ANKRD30A: variants seen among roughly 807,000 people sequenced by gnomAD.
ANKRD30A encodes the protein ankyrin repeat domain 30A.
ANKRD30A carries 170 observed loss-of-function variants against 166.3 expected under a neutral mutation model. That is an observed-to-expected ratio of 1.02 (90% confidence interval 0.90 to 1.16). ANKRD30A has a LOEUF of 1.16. ANKRD30A is among the 50% of genes most tolerant of loss of function. ANKRD30A has a pLI of 0.00. For synonymous variants in ANKRD30A, 564 were observed against 508.9 expected (o/e 1.11, Z -1.46); for missense variants, 1,630 against 1,518.0 (o/e 1.07, Z -1.23).
At chr10:37,164,434 C>A (rs1169136619) in intron 17 of ANKRD30A, among the ~76,000 whole-genome samples, 1 of 151,622 alleles carries the variant, frequency 6.6e-6, no homozygotes, top group Admixed American at 6.6e-5. Context: ...CAAGGTGTCA[C>A]AAGCTGACTC....
chr10:37,177,950 G>A (rs569542759), intron 24 of ANKRD30A, among the ~76,000 whole-genome samples: 62 of 149,454 alleles, frequency 4.1e-4, no homozygotes, highest in Middle Eastern at 3.4e-3. Flanking sequence ...CTGAAGAGGA[G>A]CTGAATTACT....
chr10:37,142,320 T>G (rs2132534774), intron 7 of ANKRD30A, 30 bp downstream of exon 7: 1 of 1,542,144 alleles, frequency 6.5e-7, no homozygotes, highest in African/African-American at 1.4e-5. Flanking sequence ...TTTGTAAGGT[T>G]TATTGGCACT....
intron 25 of ANKRD30A, among the ~76,000 whole-genome samples, chr10:37,192,627 A>G (rs1028482213): frequency 6.6e-5 from 10 of 152,040 alleles, no homozygotes; most frequent in Non-Finnish European, 1.0e-4. Flanking sequence ...ACATGTATAT[A>G]TTGACATCAG....
rs762291547 is a variant in ANKRD30A, at chr10:37,142,144, A to G, written c.1247A>G (p.Lys416Arg). Residue 416 changes from lysine (K) to arginine (R), a missense_variant, in exon 7 of 36, where the codon AAG becomes AGG. By Grantham distance (26) the Lys-to-Arg change is conservative. Around this residue, in one of 4 missense-constraint regions of ANKRD30A, gnomAD observed 904 missense variants for 818.5 expected, o/e 1.10. Transcript: ENST00000361713. ...TGGGCAGCAAAAGGAAGACCTAGGA[A>G]GATCGCATGGGAGAAAAAAGAAACA... ...FTWAAKGRPR[K>R]IAWEKKETPV... is the part of the protein sequence containing the mutation. 25 of 1,614,018 alleles carry G rather than the reference A, an allele frequency of 1.5e-5. No individual in the cohort carries two copies. The Middle Eastern group carries it at 9.9e-4, about 64-fold the overall frequency.
chr10:37,161,325 A>G (rs550139727), intron 15 of ANKRD30A, among the ~76,000 whole-genome samples: 5 of 152,206 alleles, frequency 3.3e-5, no homozygotes, highest in Non-Finnish European at 7.3e-5. Context: ...AAGAAGAAAA[A>G]GATAAACAGA....
the ANKRD30A span, among the ~76,000 whole-genome samples, chr10:37,249,602 G>T: frequency 6.6e-6 from 1 of 152,126 alleles, no homozygotes; most frequent in South Asian, 2.1e-4. Context: ...AGAACAACTT[G>T]TAAACTTTTA....
At chr10:37,162,093 A>C (rs143458481) in intron 15 of ANKRD30A, among the ~76,000 whole-genome samples, 1 of 152,296 alleles carries the variant, frequency 6.6e-6, no homozygotes, top group Non-Finnish European at 1.5e-5. Context: ...TCAGACAGCT[A>C]AAGTAGAGGA....
At chr10:37,242,702 G>A in the ANKRD30A span, among the ~76,000 whole-genome samples, 1 of 152,048 alleles carries the variant, frequency 6.6e-6, no homozygotes, top group Non-Finnish European at 1.5e-5. Flanking sequence ...AAAAATGATG[G>A]AAAACAGGCA....
chr10:37,218,923 A>G, intron 33 of ANKRD30A, 57 bp from the exon 34 acceptor site: 1 of 1,131,964 alleles, frequency 8.8e-7, no homozygotes, highest in Admixed American at 2.6e-5. Context: ...GTTTCAGAGG[A>G]ACCATGATAT....
chr10:37,164,713 G>A (rs1215452299), intron 17 of ANKRD30A, among the ~76,000 whole-genome samples: 1 of 151,968 alleles, frequency 6.6e-6, no homozygotes. Context: ...GTCAATCAAC[G>A]TAAGTAATAC....
intron 3 of ANKRD30A, among the ~76,000 whole-genome samples, chr10:37,131,233 T>G (rs1245936575): frequency 6.6e-6 from 1 of 152,126 alleles, no homozygotes; most frequent in African/African-American, 2.4e-5. Flanking sequence ...CTAATGCATA[T>G]AGATGAGTTA....
chr10:37,202,446 A>G (rs1564563300), intron 31 of ANKRD30A, among the ~76,000 whole-genome samples: 1 of 152,212 alleles, frequency 6.6e-6, no homozygotes, highest in African/African-American at 2.4e-5. Flanking sequence ...CGATGAGAAC[A>G]AAGGCACCAC....
the ANKRD30A span, among the ~76,000 whole-genome samples, chr10:37,245,270 G>A: frequency 5.3e-5 from 8 of 151,686 alleles, no homozygotes; most frequent in African/African-American, 1.7e-4. Flanking sequence ...TTGATATTTT[G>A]TGTATTGAAC....
Position 37,130,007 on chromosome 10 carries a change from G to A in ANKRD30A, c.336G>A (p.Lys112=). The part of the protein sequence containing the change: ...LDGEHRTPLM[K]ALQCHQEACA... Reference sequence around the variant, plus strand: ...GCGAACACAGGACACCTCTGATGAAGGTAAATAGTAGCCAGATTTTTCAGC... The same window carrying A: ...GCGAACACAGGACACCTCTGATGAAAGTAAATAGTAGCCAGATTTTTCAGC... The change falls in exon 2 of 36, where the codon AAG becomes AAA. Residue 112 remains lysine, a splice_region_variant and synonymous_variant. Coordinates refer to ENST00000361713, the MANE Select transcript of ANKRD30A (RefSeq NM_052997.3). 2.7e-6 allele frequency: 4 copies of A among 1,499,944 alleles called. No homozygotes were observed. The highest frequency in any genetic ancestry group is 2.5e-5 in the East Asian group (1 of 40,458). The allele number at this position is 1,499,944 out of a possible 1,614,324, so 92.9% of individuals were successfully genotyped here. A position where few individuals can be genotyped will look rare whatever the true frequency, so the allele number is the denominator to read the frequency against.
At chr10:37,160,909 C>T (rs1483474370) in intron 15 of ANKRD30A, among the ~76,000 whole-genome samples, 2 of 152,122 alleles carry the variant, frequency 1.3e-5, no homozygotes, top group African/African-American at 2.4e-5. Flanking sequence ...ATATAATTGT[C>T]AACCACATTA....
chr10:37,197,259 A>G (rs554136429), intron 27 of ANKRD30A, 22 bp from the exon 28 acceptor site: 17 of 1,572,188 alleles, frequency 1.1e-5, no homozygotes, highest in Non-Finnish European at 1.4e-5. Flanking sequence ...ATGATTGATG[A>G]TAAATCTCTT....
At chr10:37,256,894 A>G in the ANKRD30A span, among the ~76,000 whole-genome samples, 6 of 152,080 alleles carry the variant, frequency 3.9e-5, no homozygotes, top group Non-Finnish European at 7.4e-5. Context: ...GGTATGGATG[A>G]TGTTGGCCTC....
chr10:37,171,758 G>A (rs1425794641), intron 21 of ANKRD30A, among the ~76,000 whole-genome samples: 2 of 150,910 alleles, frequency 1.3e-5, no homozygotes, highest in South Asian at 2.1e-4. Context: ...AATGAAAAGA[G>A]TTGGTTACAG....
intron 24 of ANKRD30A, among the ~76,000 whole-genome samples, chr10:37,184,076 G>C (rs1439960796): frequency 4.6e-5 from 7 of 151,534 alleles, no homozygotes; most frequent in African/African-American, 1.4e-4. Flanking sequence ...AGCTTGGTCT[G>C]AGTAGCAAAA....
Sources: allele counts gnomAD v4.1 joint callset (sites outside exome capture counted in the v4.1 genomes callset), GRCh38; gene constraint gnomAD v4.1.1; regional missense constraint gnomAD v4.1.1; transcripts MANE v1.5; gene names NCBI Gene and HGNC (gene_info 2026-07-23, HGNC 2026-07-21).